Variants in USP13 observed in about 807,000 individuals in gnomAD.
USP13 encodes the protein ubiquitin carboxyl-terminal hydrolase 13.
In USP13, 68 loss-of-function variants were observed where a neutral mutation model predicts 107.8. The ratio of observed to expected loss-of-function variants is 0.63; its 90% CI spans 0.52 to 0.77. The LOEUF is 0.77. Among genes scored for constraint, USP13 ranks in the 30% least tolerant of loss-of-function variants. The pLI, the probability that USP13 is intolerant of heterozygous loss-of-function variation, is 0.00. For synonymous variants in USP13, 377 were observed against 389.5 expected (o/e 0.97, Z 0.38); for missense variants, 945 against 1,093.3 (o/e 0.86, Z 1.91).
chr3:179,735,124 G>T (rs1006450854), intron 10 of USP13, among the ~76,000 whole-genome samples: 1 of 152,168 alleles, frequency 6.6e-6, no homozygotes, highest in African/African-American at 2.4e-5. Flanking sequence ...TGCTATTTTG[G>T]TGACTTCCTG....
Position 179,672,154 on chromosome 3 carries a change from G to A in USP13, c.169-9724G>A, listed in dbSNP as rs1720767053. Among the ~76,000 whole-genome samples, 3 of 152,122 alleles carry A rather than the reference G, an allele frequency of 2.0e-5. No individual in the cohort carries two copies. The South Asian group carries it at 6.2e-4, about 32-fold the overall frequency. ...CTATTCACTTGCTACTCTGAAACAT[G>A]TTGCAATCTTGACCTTTATATTTGC... On this transcript the variant is annotated intron_variant, in intron 1 of 20. Transcript: ENST00000263966.
At chr3:179,654,138 G>T (rs1263585751) in intron 1 of USP13, among the ~76,000 whole-genome samples, 1 of 148,980 alleles carries the variant, frequency 6.7e-6, no homozygotes, top group Non-Finnish European at 1.5e-5. Context: ...CGCTTGAACC[G>T]GGAAGGAGGA....
chr3:179,703,712 G>T (rs965744197), intron 4 of USP13, among the ~76,000 whole-genome samples: 1 of 152,138 alleles, frequency 6.6e-6, no homozygotes, highest in Non-Finnish European at 1.5e-5. Context: ...AAAGAGATTG[G>T]TAGTAGCAGA....
intron 19 of USP13, among the ~76,000 whole-genome samples, chr3:179,767,397 AGCCACTGTAAT>A (rs930234349): frequency 4.6e-5 from 7 of 151,890 alleles, no homozygotes; most frequent in Non-Finnish European, 8.8e-5. Flanking sequence ...CTGTGCCTGT[AGCCACTGTAAT>A]GCATTGTTAG....
intron 1 of USP13, among the ~76,000 whole-genome samples, chr3:179,672,757 T>G (rs1252788923): frequency 6.6e-6 from 1 of 152,192 alleles, no homozygotes; most frequent in Non-Finnish European, 1.5e-5. Context: ...GCTGGAGAAG[T>G]TGTCAAGGGA....
intron 6 of USP13, among the ~76,000 whole-genome samples, chr3:179,711,050 A>AT (rs1432037668): frequency 6.6e-6 from 1 of 152,216 alleles, no homozygotes; most frequent in Non-Finnish European, 1.5e-5. Context: ...TATAAACACC[A>AT]TACACTTGGC....
chr3:179,696,553 C>T (rs986229448), intron 3 of USP13, among the ~76,000 whole-genome samples: 5 of 152,002 alleles, frequency 3.3e-5, no homozygotes, highest in African/African-American at 9.7e-5. Context: ...AACCTGACCT[C>T]GAACTCCTGA....
chr3:179,750,659 G>A (rs1319289769), intron 13 of USP13, among the ~76,000 whole-genome samples: 1 of 152,092 alleles, frequency 6.6e-6, no homozygotes, highest in African/African-American at 2.4e-5. Flanking sequence ...AGCATCCAAG[G>A]CTTTATAGCT....
At chr3:179,770,048 T>C (rs1314446478) in intron 19 of USP13, among the ~76,000 whole-genome samples, 1 of 152,216 alleles carries the variant, frequency 6.6e-6, no homozygotes, top group Non-Finnish European at 1.5e-5. Flanking sequence ...TCCCCAGCAG[T>C]GCTTTTGGTT....
chr3:179,752,653 G>T (rs116656975), intron 14 of USP13, among the ~76,000 whole-genome samples: 1 of 152,284 alleles, frequency 6.6e-6, no homozygotes, highest in South Asian at 2.1e-4. Context: ...AAACTTTAAT[G>T]TGCATATGAA....
intron 19 of USP13, among the ~76,000 whole-genome samples, chr3:179,767,015 A>G (rs905047067): frequency 1.3e-5 from 2 of 151,978 alleles, no homozygotes; most frequent in Non-Finnish European, 2.9e-5. Flanking sequence ...CTCTCTTCTC[A>G]CTTAACCTGC....
At position 179,655,409 on chromosome 3, in the gene USP13, A is replaced by G. The variant is rs189443370; in HGVS notation, c.168+2016A>G. On this transcript the variant is annotated intron_variant, in intron 1 of 20. Transcript: ENST00000263966. ...CCAGTGTAGACTGATGATTGCAATC[A>G]TATCACAGCAGTTCCTTAGGGGAGA... 2.3e-3 allele frequency among the ~76,000 whole-genome samples: 354 copies of G among 152,278 alleles called. 1 individual carries two copies. The highest frequency in any genetic ancestry group is 4.6e-3 in the Non-Finnish European group (310 of 68,020).
intron 6 of USP13, among the ~76,000 whole-genome samples, chr3:179,718,286 C>CTT (rs5854843): frequency 8.8e-4 from 128 of 145,198 alleles, no homozygotes; most frequent in Non-Finnish European, 1.0e-3. Context: ...TCTTTAGAAA[C>CTT]TTTTTTTTTT....
intron 10 of USP13, 68 bp downstream of exon 10, chr3:179,730,777 T>A: frequency 6.8e-7 from 1 of 1,462,990 alleles, no homozygotes; most frequent in Non-Finnish European, 9.5e-7. Flanking sequence ...GGGTTTCCTA[T>A]GATTTGGCAC....
chr3:179,670,449 C>T (rs1720716967), intron 1 of USP13, among the ~76,000 whole-genome samples: 1 of 152,106 alleles, frequency 6.6e-6, no homozygotes, highest in South Asian at 2.1e-4. Context: ...GCTTCTTTTC[C>T]ATTCTCCACA....
chr3:179,742,326 G>A lies in USP13; in HGVS notation c.1510G>A (p.Ala504Thr). Residue 504 changes from alanine to threonine, a missense_variant, in exon 12 of 21, where the codon GCC (alanine) becomes ACC (threonine). Physicochemically the swap from Ala to Thr is moderately conservative, Grantham distance 58 (BLOSUM62 0). Transcript: ENST00000263966. This position sits in a 1 kb window ranked among gnomAD's most constrained non-coding sequence, Gnocchi z 5.0. Reference protein sequence around the residue: ...RVDYLMQLPVAMEAATNKDEL... With the variant: ...RVDYLMQLPVTMEAATNKDEL... ...GGATTACCTGATGCAGTTACCTGTG[G>A]CCATGGAGGCGGCAACCAACAAGGG... 6.2e-7 allele frequency: 1 copy of A among 1,614,244 alleles called. No individual in the cohort carries two copies. The highest frequency in any genetic ancestry group is 8.5e-7 in the Non-Finnish European group (1 of 1,180,042).
chr3:179,786,533 G>C lies in USP13; in HGVS notation c.*2392G>C, dbSNP rs1428531837. 1.3e-5 allele frequency: 2 copies of C among 152,468 alleles called. No homozygotes were observed. Among genetic ancestry groups the C allele is most frequent in the Non-Finnish European group, 2.9e-5 (2 of 68,220 alleles). 9.4% of individuals were successfully genotyped at this position (152,468 alleles called of 1,614,324 possible). The stretch of plus-strand genomic sequence containing the variant: ...CTTTTCTTCTGCCCCACAACACAAA[G>C]GGCTATTTCTACAAGGCAAAGTTTT... On this transcript the variant is annotated 3_prime_UTR_variant, in exon 21 of 21. Coordinates refer to ENST00000263966, the MANE Select transcript of USP13 (RefSeq NM_003940.3).
chr3:179,688,170 T>TATCCATCCATTCATCA (rs1711956037), intron 2 of USP13, among the ~76,000 whole-genome samples: 1 of 75,090 alleles, frequency 1.3e-5, no homozygotes, highest in African/African-American at 4.9e-5. Flanking sequence ...TCCATCCGTA[T>TATCCATCCATTCATCA]ATCCATCCAT....
intron 10 of USP13, among the ~76,000 whole-genome samples, chr3:179,733,037 A>G (rs1713861866): frequency 6.6e-6 from 1 of 152,130 alleles, no homozygotes; most frequent in Non-Finnish European, 1.5e-5. Context: ...CAGGCCCGCA[A>G]TGACAGCTGG....
Sources: allele counts gnomAD v4.1 joint callset (sites outside exome capture counted in the v4.1 genomes callset), GRCh38; gene constraint gnomAD v4.1.1; non-coding constraint Gnocchi (gnomAD v3.1); transcripts MANE v1.5; gene names NCBI Gene and HGNC (gene_info 2026-07-23, HGNC 2026-07-21).